Variants in RAB21 observed in about 807,000 individuals in gnomAD.
RAB21 encodes RAB21, member RAS oncogene family.
RAB21 carries 13 observed loss-of-function variants against 33.1 expected under a neutral mutation model. That is an observed-to-expected ratio of 0.39 (90% confidence interval 0.26 to 0.62). The LOEUF (loss-of-function observed/expected upper bound fraction) is 0.62. Ranked by LOEUF, RAB21 falls within the 20% of genes least tolerant of loss-of-function variation. The pLI, the probability that RAB21 is intolerant of heterozygous loss-of-function variation, is 0.48. For synonymous variants in RAB21, 91 were observed against 103.7 expected (o/e 0.88, Z 0.74); for missense variants, 234 against 279.1 (o/e 0.84, Z 1.15).
At position 71,770,672 on chromosome 12, in the gene RAB21, C is replaced by G; in HGVS notation, c.300C>G (p.Asp100Glu). The part of the protein sequence containing the change: ...RDSNGAILVY[D>E]ITDEDSFQKV... ...CAAATGGAGCGATTTTAGTTTATGA[C>G]ATAACAGATGAAGATTCTTTTCAGA... The change falls in exon 3 of 7, where the codon GAC (aspartate) becomes GAG (glutamate). Residue 100 changes from aspartate to glutamate, a missense_variant. Asp to Glu is a conservative substitution (Grantham distance 45). Coordinates refer to ENST00000261263, the MANE Select transcript of RAB21 (RefSeq NM_014999.4). The G allele has an allele frequency of 6.3e-7, 1 of 1,596,042 alleles. No individual in the cohort carries two copies. The highest frequency in any genetic ancestry group is 1.1e-5 in the South Asian group (1 of 89,986).
intron 1 of RAB21, among the ~76,000 whole-genome samples, chr12:71,766,126 G>A (rs991327787): frequency 2.0e-5 from 3 of 152,078 alleles, no homozygotes; most frequent in Non-Finnish European, 2.9e-5. Flanking sequence ...AGGAAACTTA[G>A]GAGCATATCT....
chr12:71,763,700 A>G (rs1371530577), intron 1 of RAB21, among the ~76,000 whole-genome samples: 2 of 152,234 alleles, frequency 1.3e-5, no homozygotes, highest in Non-Finnish European at 2.9e-5. Flanking sequence ...TGAAGGAGGT[A>G]GGGTGGAGAA....
chr12:71,768,947 G>GT (rs1312935575), intron 1 of RAB21, among the ~76,000 whole-genome samples: 1 of 152,110 alleles, frequency 6.6e-6, no homozygotes, highest in African/African-American at 2.4e-5. Context: ...GTGTGTGTGT[G>GT]TCTAAATACA....
At chr12:71,761,540 T>A (rs1882871894) in intron 1 of RAB21, among the ~76,000 whole-genome samples, 1 of 152,044 alleles carries the variant, frequency 6.6e-6, no homozygotes, top group African/African-American at 2.4e-5. Context: ...GAGCCAGGCA[T>A]GATGGTGGGT....
chr12:71,784,244 G>C (rs1448788977), intron 6 of RAB21, among the ~76,000 whole-genome samples: 1 of 152,040 alleles, frequency 6.6e-6, no homozygotes, highest in Non-Finnish European at 1.5e-5. Context: ...CTCTCAGTCT[G>C]TGTTGTGTAT....
At chr12:71,783,997 C>T (rs1250676110) in intron 6 of RAB21, among the ~76,000 whole-genome samples, 1 of 152,024 alleles carries the variant, frequency 6.6e-6, no homozygotes, top group African/African-American at 2.4e-5. Context: ...ATAACATGTA[C>T]AAGTACTAAT....
Position 71,770,684 on chromosome 12 carries a change from A to G in RAB21, c.312A>G (p.Glu104=). Reference sequence around the variant, plus strand: ...TTTTAGTTTATGACATAACAGATGAAGATTCTTTTCAGAAGGTATTCTATT... The same window carrying G: ...TTTTAGTTTATGACATAACAGATGAGGATTCTTTTCAGAAGGTATTCTATT... The part of the protein sequence containing the change: ...GAILVYDITD[E]DSFQKVKNWV... Residue 104 remains glutamate, a synonymous_variant, in exon 3 of 7, where the codon GAA becomes GAG. Coordinates refer to ENST00000261263, the MANE Select transcript of RAB21 (RefSeq NM_014999.4). The G allele has an allele frequency of 6.3e-7, 1 of 1,586,600 alleles. No homozygotes were observed. The highest frequency in any genetic ancestry group is 2.2e-5 in the East Asian group (1 of 44,610).
chr12:71,782,559 T>C lies in RAB21; in HGVS notation c.447-11T>C, dbSNP rs756109500. On this transcript the variant is annotated splice_polypyrimidine_tract_variant and intron_variant, in intron 5 of 6. Coordinates refer to ENST00000261263, the MANE Select transcript of RAB21 (RefSeq NM_014999.4). The stretch of plus-strand genomic sequence containing the variant: ...ATTTTACATCAATCACCGATGTTAC[T>C]TTTTTTTAAGGTATGCAGAATCTGT... 1.4e-5 allele frequency: 22 copies of C among 1,526,114 alleles called. No individual in the cohort carries two copies. The highest frequency in any genetic ancestry group is 2.0e-5 in the Non-Finnish European group (22 of 1,120,694). 94.5% of individuals were successfully genotyped at this position (1,526,114 alleles called of 1,614,324 possible). A position where few individuals can be genotyped will look rare whatever the true frequency, so the allele number is the denominator to read the frequency against.
chr12:71,766,656 C>T (rs894119158), intron 1 of RAB21, among the ~76,000 whole-genome samples: 8 of 152,052 alleles, frequency 5.3e-5, no homozygotes, highest in Admixed American at 3.9e-4. Context: ...AGAGTTGATT[C>T]CCTAAAATTC....
In RAB21 at chr12:71,795,460, T is replaced by C. The variant is rs1334841743; in HGVS notation, c.*9787T>C. The stretch of plus-strand genomic sequence containing the variant: ...GCTTAAACATCATTAGGGAAGACTA[T>C]GACTGTTTCTATGACCTCTAGTCAC... On this transcript the variant is annotated 3_prime_UTR_variant, in exon 7 of 7. Coordinates refer to ENST00000261263, the MANE Select transcript of RAB21 (RefSeq NM_014999.4). 1 of 93,392 alleles carries C rather than the reference T, an allele frequency of 1.1e-5. No individual in the cohort carries two copies. The highest frequency in any genetic ancestry group is 2.0e-5 in the Non-Finnish European group (1 of 50,528). The allele number at this position is 93,392 out of a possible 1,614,324, so 5.8% of individuals were successfully genotyped here.
rs1349892251 is a variant in RAB21, at chr12:71,794,420, TATATATA to T, written c.*8748_*8754del. 18 of 53,882 alleles carry T rather than the reference TATATATA, an allele frequency of 3.3e-4. No homozygotes were observed. Among genetic ancestry groups the T allele is most frequent in the African/African-American group, 1.5e-3 (13 of 8,952 alleles). 3.3% of individuals were successfully genotyped at this position (53,882 alleles called of 1,614,324 possible). The stretch of plus-strand genomic sequence containing the variant: ...CATATATATATTATATATATATATA[TATATATA>T]TTTTTTTTTTTTTTTTTTTTTTTTT... On this transcript the variant is annotated 3_prime_UTR_variant, in exon 7 of 7. Transcript: ENST00000261263.
In RAB21 at chr12:71,787,162, G is replaced by A. The variant is rs1409791112; in HGVS notation, c.*1489G>A. On this transcript the variant is annotated 3_prime_UTR_variant, in exon 7 of 7. Transcript: ENST00000261263. ...AGAACTATCCTGAGTTTCTGTGGAT[G>A]GAAACATTACATGTAATGCAGATAT... 1 of 152,102 alleles carries A rather than the reference G, an allele frequency of 6.6e-6. No homozygotes were observed. Among genetic ancestry groups the A allele is most frequent in the African/African-American group, 2.4e-5 (1 of 41,404 alleles). 9.4% of individuals were successfully genotyped at this position (152,102 alleles called of 1,614,324 possible). A position where few individuals can be genotyped will look rare whatever the true frequency, so the allele number is the denominator to read the frequency against.
chr12:71,793,996 A>T lies in RAB21; in HGVS notation c.*8323A>T, dbSNP rs543604744. The T allele has an allele frequency of 2.0e-5, 3 of 152,198 alleles. No homozygotes were observed. The highest frequency in any genetic ancestry group is 4.2e-4 in the South Asian group (2 of 4,814). 9.4% of individuals were successfully genotyped at this position (152,198 alleles called of 1,614,324 possible). ...TTGGGAGGCTGAGGTGGGTGGATGGATCCCTTAAACCCAGGAATTCAAGAC... is the reference window on the plus strand; with the variant it reads ...TTGGGAGGCTGAGGTGGGTGGATGGTTCCCTTAAACCCAGGAATTCAAGAC... On this transcript the variant is annotated 3_prime_UTR_variant, in exon 7 of 7. Coordinates refer to ENST00000261263, the MANE Select transcript of RAB21 (RefSeq NM_014999.4).
chr12:71,765,391 C>A (rs1882944518), intron 1 of RAB21, among the ~76,000 whole-genome samples: 1 of 152,058 alleles, frequency 6.6e-6, no homozygotes, highest in African/African-American at 2.4e-5. Context: ...CATTTTCTTC[C>A]ACTCTGGGTT....
intron 6 of RAB21, among the ~76,000 whole-genome samples, chr12:71,785,063 A>G (rs1883263928): frequency 6.6e-6 from 1 of 152,168 alleles, no homozygotes; most frequent in Admixed American, 6.5e-5. Context: ...ACCACTGCAC[A>G]TCCAGCCTGG....
rs1018784179 is a variant in RAB21, at chr12:71,797,045, A to G, written c.*11372A>G. Reference sequence around the variant, plus strand: ...AATTTAATAGACACTTCGTGTTTCCATTTTCATAATGGGGGTTAGTCATAA... The same window carrying G: ...AATTTAATAGACACTTCGTGTTTCCGTTTTCATAATGGGGGTTAGTCATAA... On this transcript the variant is annotated 3_prime_UTR_variant, in exon 7 of 7. Coordinates refer to ENST00000261263, the MANE Select transcript of RAB21 (RefSeq NM_014999.4). 6.6e-6 allele frequency: 1 copy of G among 152,144 alleles called. No homozygotes were observed. Among genetic ancestry groups the G allele is most frequent in the African/African-American group, 2.4e-5 (1 of 41,446 alleles). The allele number at this position is 152,144 out of a possible 1,614,324, so 9.4% of individuals were successfully genotyped here.
chr12:71,773,016 C>T (rs935759979), intron 3 of RAB21, among the ~76,000 whole-genome samples: 13 of 152,186 alleles, frequency 8.5e-5, no homozygotes, highest in Non-Finnish European at 2.9e-5. Flanking sequence ...TTGGAATTTA[C>T]AGATATATGT....
At chr12:71,768,883 A>C (rs1049374227) in intron 1 of RAB21, among the ~76,000 whole-genome samples, 1 of 152,192 alleles carries the variant, frequency 6.6e-6, no homozygotes, top group East Asian at 1.9e-4. Flanking sequence ...GTTAATGTGC[A>C]TTGTTGGTGT....
chr12:71,788,833 G>A lies in RAB21; in HGVS notation c.*3160G>A, dbSNP rs767924683. 1 of 151,996 alleles carries A rather than the reference G, an allele frequency of 6.6e-6. No individual in the cohort carries two copies. The allele number at this position is 151,996 out of a possible 1,614,324, so 9.4% of individuals were successfully genotyped here. On this transcript the variant is annotated 3_prime_UTR_variant, in exon 7 of 7. Transcript: ENST00000261263. ...TCTTGTTTTTCATTGTAATTACAGG[G>A]GAAGATTGTTTTTGAAAATGTATAT... is the stretch of plus-strand genomic sequence containing the variant.
Sources: allele counts gnomAD v4.1 joint callset (sites outside exome capture counted in the v4.1 genomes callset), GRCh38; gene constraint gnomAD v4.1.1; transcripts MANE v1.5; gene names NCBI Gene and HGNC (gene_info 2026-07-23, HGNC 2026-07-21).